TBC1D21: variants seen among roughly 807,000 people sequenced by gnomAD.
TBC1D21 encodes the protein male germ cell Rab GTPase-activating protein.
Under a neutral mutation model 46.0 loss-of-function variants are expected in TBC1D21, and 38 were observed. The observed-to-expected ratio is 0.83, with a 90% CI of 0.64 to 1.08. The LOEUF (loss-of-function observed/expected upper bound fraction) is 1.08. Ranked by LOEUF, TBC1D21 falls within the 50% of genes least tolerant of loss-of-function variation. TBC1D21 has a pLI of 0.00. For synonymous variants in TBC1D21, 151 were observed against 157.2 expected (o/e 0.96, Z 0.29); for missense variants, 415 against 417.9 (o/e 0.99, Z 0.06).
intron 1 of TBC1D21, among the ~76,000 whole-genome samples, chr15:73,875,681 C>G (rs2068047901): frequency 6.6e-6 from 1 of 152,140 alleles, no homozygotes; most frequent in East Asian, 1.9e-4. Flanking sequence ...CTAGATACAC[C>G]CTGAAGGTGG....
intron 1 of TBC1D21, among the ~76,000 whole-genome samples, chr15:73,879,771 T>C (rs1164849879): frequency 6.6e-6 from 1 of 152,248 alleles, no homozygotes; most frequent in East Asian, 1.9e-4. Flanking sequence ...TCAGCACATC[T>C]TTATGTCTGC....
chr15:73,892,189 G>A (rs1175562889), downstream of TBC1D21, among the ~76,000 whole-genome samples: 3 of 152,212 alleles, frequency 2.0e-5, no homozygotes, highest in South Asian at 2.1e-4. Flanking sequence ...TACTCAGGGC[G>A]GGTCTCCTCC....
At chr15:73,876,404 T>TTG (rs1255765337) in intron 1 of TBC1D21, among the ~76,000 whole-genome samples, 3 of 147,960 alleles carry the variant, frequency 2.0e-5, no homozygotes, top group Non-Finnish European at 4.5e-5. Context: ...ATTTTTGTTT[T>TTG]TTTTTTTTTG....
chr15:73,887,150 C>A (rs2068262907), intron 8 of TBC1D21, among the ~76,000 whole-genome samples: 1 of 152,244 alleles, frequency 6.6e-6, no homozygotes, highest in Admixed American at 6.5e-5. Context: ...TCCAGCCCAA[C>A]CATCCACCTG....
chr15:73,896,786 G>A, the TBC1D21 span, among the ~76,000 whole-genome samples: 1 of 152,158 alleles, frequency 6.6e-6, no homozygotes, highest in Non-Finnish European at 1.5e-5. Flanking sequence ...GTCTGCCAGT[G>A]ATCAGTGGGA....
chr15:73,888,189 A>G (rs2068284633), intron 9 of TBC1D21, among the ~76,000 whole-genome samples: 1 of 152,208 alleles, frequency 6.6e-6, no homozygotes, highest in African/African-American at 2.4e-5. Context: ...AGCCCCTAAG[A>G]CACTTGGTGG....
At chr15:73,902,362 C>T in the TBC1D21 span, among the ~76,000 whole-genome samples, 1 of 152,206 alleles carries the variant, frequency 6.6e-6, no homozygotes, top group Non-Finnish European at 1.5e-5. Flanking sequence ...TATGGAAGGC[C>T]TGTCTCTGGA....
At chr15:73,881,622 C>T (rs1352842292) in intron 2 of TBC1D21, 22 bp from the exon 3 acceptor site, 1 of 1,610,206 alleles carries the variant, frequency 6.2e-7, no homozygotes, top group Admixed American at 1.7e-5. Flanking sequence ...CCCATGACCT[C>T]CACCTCCCAC....
chr15:73,877,546 A>C lies in TBC1D21; in HGVS notation c.60+3777A>C, dbSNP rs1414691587. 1.9e-3 allele frequency among the ~76,000 whole-genome samples: 120 copies of C among 62,382 alleles called. 16 individuals are homozygous for C. The highest frequency in any genetic ancestry group is 0.019 in the South Asian group (29 of 1,566). The allele number at this position is 62,382 out of a possible 152,430, so 40.9% of individuals were successfully genotyped here. ...AAAAAAAAAAAAAAAAAAAAAAAAA[A>C]AAAAGAAATCCCTACTCATTTTATG... On this transcript the variant is annotated intron_variant, in intron 1 of 10. Transcript: ENST00000300504.
chr15:73,885,294 G>T (rs1446771800), intron 6 of TBC1D21, among the ~76,000 whole-genome samples, 191 bp downstream of exon 6: 2 of 152,192 alleles, frequency 1.3e-5, no homozygotes, highest in African/African-American at 4.8e-5. Flanking sequence ...CACTGAAGTG[G>T]AGAAGGGGGA....
At chr15:73,888,921 G>A (rs2141587055) in intron 10 of TBC1D21, 148 bp from the exon 11 acceptor site, 2 of 908,572 alleles carry the variant, frequency 2.2e-6, no homozygotes, top group East Asian at 5.3e-5. Context: ...TGTACTACTT[G>A]AGAGCAGGGC....
chr15:73,879,751 G>C (rs951639340), intron 1 of TBC1D21, among the ~76,000 whole-genome samples: 17 of 152,128 alleles, frequency 1.1e-4, no homozygotes, highest in Admixed American at 6.5e-5. Context: ...TGTCTACTCA[G>C]CTCTGTCCAT....
Position 73,884,148 on chromosome 15 carries a change from C to G in TBC1D21, c.273-3C>G, listed in dbSNP as rs983872576. 1.2e-6 allele frequency: 2 copies of G among 1,613,546 alleles called. No individual in the cohort carries two copies. The highest frequency in any genetic ancestry group is 1.7e-6 in the Non-Finnish European group (2 of 1,179,578). On this transcript the variant is annotated splice_region_variant and splice_polypyrimidine_tract_variant and intron_variant, in intron 3 of 10. Coordinates refer to ENST00000300504, the MANE Select transcript of TBC1D21 (RefSeq NM_153356.3). ...TTGTTCAGCCTCAGTTCTGTTCTCA[C>G]AGGAAGAACTACAAGGCCTTATGCC... is the stretch of plus-strand genomic sequence containing the variant.
intron 3 of TBC1D21, among the ~76,000 whole-genome samples, chr15:73,882,262 G>A (rs574246585): frequency 3.4e-4 from 52 of 152,252 alleles, no homozygotes; most frequent in African/African-American, 5.5e-4. Flanking sequence ...AACTGGTAAC[G>A]TTTCAAATAG....
chr15:73,880,523 C>A (rs907548408), intron 1 of TBC1D21, among the ~76,000 whole-genome samples: 6 of 152,168 alleles, frequency 3.9e-5, no homozygotes, highest in African/African-American at 9.7e-5. Flanking sequence ...GTAGTCCCAG[C>A]ACTTTGGGAG....
chr15:73,895,668 C>A, the TBC1D21 span, among the ~76,000 whole-genome samples: 1 of 152,140 alleles, frequency 6.6e-6, no homozygotes, highest in Non-Finnish European at 1.5e-5. Flanking sequence ...ACAAGGGCAG[C>A]CCAGATTAAT....
chr15:73,889,910 C>T (rs943517211), downstream of TBC1D21, among the ~76,000 whole-genome samples: 3 of 152,214 alleles, frequency 2.0e-5, no homozygotes, highest in Non-Finnish European at 2.9e-5. Flanking sequence ...TAGCTGGCCC[C>T]TCTGAGGGAA....
chr15:73,907,848 G>A, the TBC1D21 span, among the ~76,000 whole-genome samples: 2 of 152,108 alleles, frequency 1.3e-5, no homozygotes, highest in African/African-American at 4.8e-5. Context: ...GTCTTCATCT[G>A]TACAATGGGA....
rs375612647 is a variant in TBC1D21, at chr15:73,884,783, C to G, written c.370C>G (p.Arg124Gly). 1 of 1,613,402 alleles carries G rather than the reference C, an allele frequency of 6.2e-7. No homozygotes were observed. Among genetic ancestry groups the G allele is most frequent in the East Asian group, 2.2e-5 (1 of 44,850 alleles). Residue 124 changes from arginine to glycine, a missense_variant and splice_region_variant, in exon 5 of 11, where the codon CGT becomes GGT. Coordinates refer to ENST00000300504, the MANE Select transcript of TBC1D21 (RefSeq NM_153356.3). ...NFTETRNNIA[R>G]DIQKIYDKDP... is the part of the protein sequence containing the mutation. ...CTTGCCCCTTGCTTCCAACCTAGCA[C>G]GTGACATTCAGAAAATCTATGACAA... is the stretch of plus-strand genomic sequence containing the variant.
Sources: allele counts gnomAD v4.1 joint callset (sites outside exome capture counted in the v4.1 genomes callset), GRCh38; gene constraint gnomAD v4.1.1; transcripts MANE v1.5; gene names NCBI Gene and HGNC (gene_info 2026-07-23, HGNC 2026-07-21).